MCU: variants seen among roughly 807,000 people sequenced by gnomAD.
MCU encodes calcium uniporter protein, mitochondrial.
Under a neutral mutation model 45.2 loss-of-function variants are expected in MCU, and 12 were observed. That is an observed-to-expected ratio of 0.27 (90% CI 0.17 to 0.43). The LOEUF is 0.43. Ranked by LOEUF, MCU falls within the 20% of genes least tolerant of loss-of-function variation. The pLI, the probability that MCU is intolerant of heterozygous loss-of-function variation, is 1.00. For missense variants in MCU, 324 were observed against 436.7 expected (o/e 0.74, Z 2.30); for synonymous variants, 160 against 165.1 (o/e 0.97, Z 0.24).
chr10:72,725,459 A>G (rs1189612853), intron 1 of MCU, among the ~76,000 whole-genome samples: 2 of 151,850 alleles, frequency 1.3e-5, no homozygotes, highest in East Asian at 1.9e-4. Flanking sequence ...TTTTTTATGG[A>G]GATGGAGTCC....
chr10:72,820,493 C>T (rs2132814645), intron 1 of MCU, among the ~76,000 whole-genome samples: 1 of 151,322 alleles, frequency 6.6e-6, no homozygotes, highest in Middle Eastern at 3.4e-3. Flanking sequence ...TTCTGGACTT[C>T]TTCATCAGTT....
chr10:72,883,761 A>G (rs1215346164), intron 6 of MCU, among the ~76,000 whole-genome samples: 1 of 152,214 alleles, frequency 6.6e-6, no homozygotes, highest in Non-Finnish European at 1.5e-5. Flanking sequence ...GACTGCAGCT[A>G]CACACAAAAG....
chr10:72,850,739 A>G (rs1845196075), intron 2 of MCU, among the ~76,000 whole-genome samples: 1 of 152,210 alleles, frequency 6.6e-6, no homozygotes, highest in Admixed American at 6.5e-5. Flanking sequence ...TTCTAGCTCT[A>G]AGTATTCATG....
intron 1 of MCU, among the ~76,000 whole-genome samples, chr10:72,761,844 C>T (rs1296614982): frequency 5.3e-5 from 8 of 152,094 alleles, no homozygotes; most frequent in Admixed American, 4.6e-4. Flanking sequence ...ATTCCACACT[C>T]CCTCCTCTGA....
At chr10:72,883,609 A>G (rs1196444981) in intron 6 of MCU, among the ~76,000 whole-genome samples, 2 of 152,328 alleles carry the variant, frequency 1.3e-5, no homozygotes, top group Non-Finnish European at 1.5e-5. Flanking sequence ...TCCTAGGTAT[A>G]TCTCCAGCAG....
chr10:72,725,244 G>C (rs1843081470), intron 1 of MCU, among the ~76,000 whole-genome samples: 1 of 152,080 alleles, frequency 6.6e-6, no homozygotes, highest in Admixed American at 6.5e-5. Flanking sequence ...TCCTGCCTCA[G>C]CCTCCCGAGA....
chr10:72,817,309 C>T (rs1844642690), intron 1 of MCU, among the ~76,000 whole-genome samples: 2 of 152,130 alleles, frequency 1.3e-5, no homozygotes, highest in African/African-American at 4.8e-5. Flanking sequence ...TAATCAGTTC[C>T]ATTTCATCAC....
intron 4 of MCU, chr10:72,861,776 C>T (rs780987979): frequency 4.1e-5 from 12 of 295,218 alleles, no homozygotes; most frequent in South Asian, 1.3e-4. Flanking sequence ...AGATTATAGC[C>T]GTGAGTCACC....
chr10:72,882,289 G>A (rs1845714455), intron 6 of MCU, among the ~76,000 whole-genome samples: 1 of 152,034 alleles, frequency 6.6e-6, no homozygotes, highest in Non-Finnish European at 1.5e-5. Context: ...TGAAATCTGG[G>A]CACCTTGAAA....
intron 4 of MCU, among the ~76,000 whole-genome samples, chr10:72,862,930 A>G (rs1448273580): frequency 6.6e-6 from 1 of 152,034 alleles, no homozygotes; most frequent in Non-Finnish European, 1.5e-5. Flanking sequence ...AAAAAAAAAA[A>G]GAAAGAATTG....
At chr10:72,823,292 T>C (rs1041362868) in intron 1 of MCU, among the ~76,000 whole-genome samples, 1 of 152,226 alleles carries the variant, frequency 6.6e-6, no homozygotes, top group African/African-American at 2.4e-5. Flanking sequence ...GCCCCGTGCA[T>C]GCTTAGAAAA....
chr10:72,798,005 T>TC (rs1844277477), intron 1 of MCU, among the ~76,000 whole-genome samples: 1 of 152,058 alleles, frequency 6.6e-6, no homozygotes, highest in Non-Finnish European at 1.5e-5. Context: ...TCCATGAGCT[T>TC]CAGATTGACC....
chr10:72,710,470 A>G (rs1425048347), intron 1 of MCU, among the ~76,000 whole-genome samples: 1 of 151,950 alleles, frequency 6.6e-6, no homozygotes, highest in African/African-American at 2.4e-5. Flanking sequence ...AGTGGAAGAA[A>G]AGGCAGAAGG....
chr10:72,798,353 G>A (rs1004800170), intron 1 of MCU, among the ~76,000 whole-genome samples: 2 of 151,924 alleles, frequency 1.3e-5, no homozygotes, highest in Non-Finnish European at 2.9e-5. Context: ...GTGCAGTGGC[G>A]CAATCTCAGC....
chr10:72,733,382 G>A (rs1295744954), intron 1 of MCU, among the ~76,000 whole-genome samples: 3 of 152,258 alleles, frequency 2.0e-5, no homozygotes, highest in East Asian at 1.9e-4. Context: ...ACTTGAACCC[G>A]GGAGGCAGAG....
chr10:72,797,366 G>A lies in MCU; in HGVS notation c.151-36993G>A, dbSNP rs1162038992. 3.3e-5 allele frequency among the ~76,000 whole-genome samples: 5 copies of A among 151,096 alleles called. No homozygotes were observed. The East Asian group carries it at 9.7e-4, about 29-fold the overall frequency. The stretch of plus-strand genomic sequence containing the variant: ...AGCCTCCTGAGTAGCTGGGATTGCA[G>A]GTGTAAACCACCAAGCCCAGCTAAT... On this transcript the variant is annotated intron_variant, in intron 1 of 7. Transcript: ENST00000373053.
At chr10:72,863,885 G>T (rs761746136) in intron 4 of MCU, among the ~76,000 whole-genome samples, 4 of 151,998 alleles carry the variant, frequency 2.6e-5, no homozygotes, top group Admixed American at 6.6e-5. Flanking sequence ...CAAAGTGCTG[G>T]GATTACAGGC....
Position 72,705,607 on chromosome 10 carries a change from C to T in MCU, c.150+13306C>T, listed in dbSNP as rs530441092. Among the ~76,000 whole-genome samples, 12 of 152,202 alleles carry T rather than the reference C, an allele frequency of 7.9e-5. No homozygotes were observed. The South Asian group carries it at 1.2e-3, about 16-fold the overall frequency. On this transcript the variant is annotated intron_variant, in intron 1 of 7. Transcript: ENST00000373053. ...CTGAGGCGGGCGGATCACCTAAAGT[C>T]GGGAGTTCGAGACCAGCCTGACCAA...
intron 2 of MCU, among the ~76,000 whole-genome samples, chr10:72,856,768 TAAAA>T (rs1204072398): frequency 4.6e-5 from 3 of 64,976 alleles, no homozygotes; most frequent in Admixed American, 3.7e-4. Flanking sequence ...ACCCTGTCTC[TAAAA>T]AAAAAAAAAA....
Sources: gnomAD v4.1 joint callset for allele counts (sites outside exome capture counted in the v4.1 genomes callset) on GRCh38, gnomAD v4.1.1 for gene constraint, MANE v1.5 for transcripts, NCBI Gene and HGNC (gene_info 2026-07-23, HGNC 2026-07-21) for gene names.